Variants in NHS observed in about 807,000 individuals in gnomAD.
The protein encoded by NHS is actin remodeling regulator NHS.
NHS carries 5 observed loss-of-function variants against 72.5 expected under a neutral mutation model. The observed-to-expected ratio is 0.07, with a 90% confidence interval of 0.04 to 0.14. NHS has a LOEUF of 0.14. Ranked by LOEUF, NHS falls within the 10% of genes least tolerant of loss-of-function variation. NHS has a pLI of 1.00. For synonymous variants in NHS, 464 were observed against 547.7 expected (o/e 0.85, Z 2.13); for missense variants, 1,072 against 1,355.7 (o/e 0.79, Z 3.29).
At chrX:17,445,840 A>G (rs1429769790) in intron 1 of NHS, among the ~76,000 whole-genome samples, 1 of 107,551 alleles carries the variant, frequency 9.3e-6, no homozygotes, top group African/African-American at 3.4e-5. Context: ...CAACATTTAA[A>G]AAAAAAAAAA....
At chrX:17,544,904 T>G (rs1018355061) in intron 1 of NHS, among the ~76,000 whole-genome samples, 5 of 112,880 alleles carry the variant, frequency 4.4e-5, no homozygotes, top group Admixed American at 9.3e-5. Context: ...GATGATCTTT[T>G]GTTATTCTGT....
intron 3 of NHS, among the ~76,000 whole-genome samples, chrX:17,703,532 A>G (rs1231372372): frequency 1.8e-5 from 2 of 111,893 alleles, no homozygotes; most frequent in Non-Finnish European, 3.8e-5. Context: ...CTATCATTCC[A>G]CCTCAGATTG....
At chrX:17,706,607 A>G (rs2066297788) in intron 3 of NHS, among the ~76,000 whole-genome samples, 1 of 111,765 alleles carries the variant, frequency 8.9e-6, no homozygotes, top group South Asian at 3.7e-4. Context: ...CTTCAGGTGA[A>G]GGTGAGTTCA....
At chrX:17,585,216 T>A (rs191713042) in intron 1 of NHS, among the ~76,000 whole-genome samples, 11 of 112,282 alleles carry the variant, frequency 9.8e-5, no homozygotes, top group African/African-American at 3.2e-4. Flanking sequence ...GTCGTTGGAC[T>A]GGTTACCTAA....
chrX:17,726,958 T>G lies in NHS; in HGVS notation c.2852T>G (p.Leu951Arg). ...ESTHYADLWLLNDLKTNDPYR... is the reference protein window; with the variant it reads ...ESTHYADLWLRNDLKTNDPYR... ...ACACACTATGCAGACCTCTGGCTCCTAAATGACTTGAAAACAAATGATCCT... is the reference window on the plus strand; with the variant it reads ...ACACACTATGCAGACCTCTGGCTCCGAAATGACTTGAAAACAAATGATCCT... The change falls in exon 7 of 9, where the codon CTA (leucine) becomes CGA (arginine). Residue 951 changes from leucine (L) to arginine (R), a missense_variant. Transcript: ENST00000676302. 3 of 1,212,113 alleles carry G rather than the reference T, an allele frequency of 2.5e-6. No individual in the cohort carries two copies. Among genetic ancestry groups the G allele is most frequent in the Non-Finnish European group, 3.3e-6 (3 of 895,630 alleles).
intron 1 of NHS, among the ~76,000 whole-genome samples, chrX:17,460,496 G>A (rs775599828): frequency 1.8e-5 from 2 of 110,578 alleles, no homozygotes; most frequent in South Asian, 3.8e-4. Flanking sequence ...TATTTTAAAT[G>A]CACCATTCAA....
intron 3 of NHS, among the ~76,000 whole-genome samples, chrX:17,699,987 A>C (rs1413185118): frequency 8.9e-6 from 1 of 112,321 alleles, no homozygotes; most frequent in Non-Finnish European, 1.9e-5. Context: ...TGCAACAGAA[A>C]AAGGGCTAAT....
intron 1 of NHS, among the ~76,000 whole-genome samples, chrX:17,551,710 G>A (rs1402401692): frequency 1.8e-5 from 2 of 111,299 alleles, no homozygotes; most frequent in Non-Finnish European, 3.8e-5. Flanking sequence ...AATGAAGGAG[G>A]GTGGCCTCTC....
chrX:17,701,417 T>C (rs2066262421), intron 3 of NHS, among the ~76,000 whole-genome samples: 1 of 111,376 alleles, frequency 9.0e-6, no homozygotes, highest in Non-Finnish European at 1.9e-5. Context: ...GGGCACAACA[T>C]TCAAAAATTT....
At chrX:17,580,181 G>GA (rs57418330) in intron 1 of NHS, among the ~76,000 whole-genome samples, 119 of 97,995 alleles carry the variant, frequency 1.2e-3, no homozygotes, top group East Asian at 4.2e-3. Context: ...CCAAATGCCA[G>GA]AAAAAAAAAA....
intron 1 of NHS, among the ~76,000 whole-genome samples, chrX:17,415,509 CA>C (rs1323321467): frequency 3.6e-5 from 4 of 111,306 alleles, no homozygotes; most frequent in Non-Finnish European, 7.5e-5. Flanking sequence ...AATTGCTCGG[CA>C]GGGGGGACTT....
chrX:17,430,075 T>TTTCCTTCCTTCCTTCCTTCC (rs749084714), intron 1 of NHS, among the ~76,000 whole-genome samples: 4 of 96,192 alleles, frequency 4.2e-5, no homozygotes, highest in African/African-American at 1.4e-4. Flanking sequence ...TGCACATATT[T>TTTCCTTCCTTCCTTCCTTCC]TTCCTTCCTT....
intron 1 of NHS, among the ~76,000 whole-genome samples, chrX:17,539,937 T>C (rs1443531869): frequency 2.7e-5 from 3 of 112,315 alleles, no homozygotes; most frequent in Admixed American, 9.4e-5. Context: ...GTGGAGCCTG[T>C]GTCAGCCTGG....
At chrX:17,718,556 AAAGG>A (rs1217567961) in intron 3 of NHS, among the ~76,000 whole-genome samples, 2 of 96,912 alleles carry the variant, frequency 2.1e-5, no homozygotes, top group Non-Finnish European at 4.2e-5. Flanking sequence ...GGGAAGGAAG[AAAGG>A]AAGGAAGGAG....
At position 17,625,381 on chromosome X, in the gene NHS, G is replaced by A. The variant is rs183498751; in HGVS notation, c.566-62361G>A. ...CCTGAAAGGATCTCAGGGATCCCCAGAGGTTCCCTGAACAAAACTTGAGAA... is the reference window on the plus strand; with the variant it reads ...CCTGAAAGGATCTCAGGGATCCCCAAAGGTTCCCTGAACAAAACTTGAGAA... On this transcript the variant is annotated intron_variant, in intron 1 of 8. Coordinates refer to ENST00000676302, the MANE Select transcript of NHS (RefSeq NM_001291867.2). Among the ~76,000 whole-genome samples the A allele has an allele frequency of 5.3e-3, 592 of 111,542 alleles. 1 individual carries two copies. Among genetic ancestry groups the A allele is most frequent in the Middle Eastern group, 9.2e-3 (2 of 217 alleles).
chrX:17,564,737 T>G (rs2065433361), intron 1 of NHS, among the ~76,000 whole-genome samples: 1 of 111,838 alleles, frequency 8.9e-6, no homozygotes, highest in South Asian at 3.7e-4. Flanking sequence ...TACCAGCAAT[T>G]TCATAGATTT....
chrX:17,450,559 C>G (rs1449909198), intron 1 of NHS, among the ~76,000 whole-genome samples: 1 of 111,862 alleles, frequency 8.9e-6, no homozygotes, highest in East Asian at 2.8e-4. Flanking sequence ...AGAGTCTGAG[C>G]TCTTATTCAC....
At chrX:17,703,602 G>A (rs1279709596) in intron 3 of NHS, among the ~76,000 whole-genome samples, 1 of 112,262 alleles carries the variant, frequency 8.9e-6, no homozygotes, top group Non-Finnish European at 1.9e-5. Context: ...TGAGAAGCCA[G>A]GAAGCCAATA....
intron 1 of NHS, among the ~76,000 whole-genome samples, chrX:17,538,726 G>C (rs1394784093): frequency 8.9e-6 from 1 of 112,152 alleles, no homozygotes; most frequent in Non-Finnish European, 1.9e-5. Flanking sequence ...TCCTTAGCTT[G>C]TGGGGAAGCC....
Sources: allele counts gnomAD v4.1 joint callset (sites outside exome capture counted in the v4.1 genomes callset), GRCh38; gene constraint gnomAD v4.1.1; transcripts MANE v1.5; gene names NCBI Gene and HGNC (gene_info 2026-07-23, HGNC 2026-07-21).